ERMP1: variants seen among roughly 807,000 people sequenced by gnomAD.
ERMP1 encodes Felix-ina.
Under a neutral mutation model 92.0 loss-of-function variants are expected in ERMP1, and 86 were observed. That is an observed-to-expected ratio of 0.93 (90% CI 0.79 to 1.12). The LOEUF (loss-of-function observed/expected upper bound fraction) is 1.12, where lower values mean the gene tolerates loss of function less well. Ranked by LOEUF, ERMP1 falls within the 50% of genes most tolerant of loss-of-function variation. The pLI is 0.00. For synonymous variants in ERMP1, 530 were observed against 412.8 expected, an observed-to-expected ratio of 1.28 and a Z score of -3.44; for missense variants, 1,342 against 1,116.3, an observed-to-expected ratio of 1.20 and a Z score of -2.88.
intron 6 of ERMP1, among the ~76,000 whole-genome samples, chr9:5,855,260 A>C (rs1284734448): frequency 1.4e-4 from 22 of 152,230 alleles, no homozygotes. Flanking sequence ...GGATGAAGCA[A>C]AAAAGGAGTG....
intron 8 of ERMP1, 72 bp from the exon 9 acceptor site, chr9:5,805,857 C>T (rs949684264): frequency 1.3e-5 from 15 of 1,121,614 alleles, no homozygotes; most frequent in African/African-American, 4.9e-5. Flanking sequence ...TATAGTAACA[C>T]ACTTTCCATC....
chr9:5,832,860 AC>A lies in ERMP1; in HGVS notation c.167del (p.Gly56ValfsTer26). ...GGRTRKRSPG[G>X]SGGASRGAGT... is the part of the protein sequence containing the mutation. The stretch of plus-strand genomic sequence containing the variant: ...CCGCGCCCCTGCTCGCGCCGCCGCT[AC>A]CCCCGGGGCTCCTCTTCCGCGTCCT... On this transcript the variant is annotated frameshift_variant, in exon 1 of 15. Coordinates refer to ENST00000339450, the MANE Select transcript of ERMP1 (RefSeq NM_024896.3). LOFTEE classifies it high-confidence loss of function. 6.6e-7 allele frequency: 1 copy of A among 1,512,704 alleles called. No homozygotes were observed. The allele number at this position is 1,512,704 out of a possible 1,614,324, so 93.7% of individuals were successfully genotyped here.
chr9:5,817,068 T>C (rs963658207), intron 4 of ERMP1, among the ~76,000 whole-genome samples: 2 of 150,156 alleles, frequency 1.3e-5, no homozygotes, highest in Admixed American at 6.7e-5. Flanking sequence ...CCGGGTAATT[T>C]TTTGTATTTT....
chr9:5,791,350 T>TG, intron 13 of ERMP1: 1 of 455,338 alleles, frequency 2.2e-6, no homozygotes, highest in Non-Finnish European at 4.4e-6. Context: ...TCCCTCTCCT[T>TG]GGGGAAGGTC....
upstream of ERMP1, among the ~76,000 whole-genome samples, chr9:5,836,588 G>A (rs995783870): frequency 6.6e-6 from 1 of 152,204 alleles, no homozygotes; most frequent in Non-Finnish European, 1.5e-5. Context: ...GAGTGAACCA[G>A]CTTTGTTTAA....
chr9:5,832,879 C>A lies in ERMP1; in HGVS notation c.149G>T (p.Arg50Leu), dbSNP rs1294554133. Reference sequence around the variant, plus strand: ...GCCGCTACCCCCGGGGCTCCTCTTCCGCGTCCTCCCGCCGCCGCTGCACCC... The same window carrying A: ...GCCGCTACCCCCGGGGCTCCTCTTCAGCGTCCTCCCGCCGCCGCTGCACCC... The part of the protein sequence containing the change: ...VDGCSGGGRT[R>L]KRSPGGSGGA... The change falls in exon 1 of 15, where the codon CGG becomes CTG. Residue 50 changes from arginine (R) to leucine (L), a missense_variant. By Grantham distance (102) the Arg-to-Leu change is moderately radical. Coordinates refer to ENST00000339450, the MANE Select transcript of ERMP1 (RefSeq NM_024896.3). 5 of 1,532,602 alleles carry A rather than the reference C, an allele frequency of 3.3e-6. No individual in the cohort carries two copies. The South Asian group carries it at 6.0e-5, about 18-fold the overall frequency. 94.9% of individuals were successfully genotyped at this position (1,532,602 alleles called of 1,614,324 possible).
rs1051903232 is a variant in ERMP1 at position 5,804,917 on chromosome 9, T to A, written c.1914+110A>T. 7 of 801,180 alleles carry A rather than the reference T, an allele frequency of 8.7e-6. No individual in the cohort carries two copies. In the African/African-American group the frequency reaches 1.3e-4, roughly 14 times the overall value. 49.6% of individuals were successfully genotyped at this position (801,180 alleles called of 1,614,324 possible). A position where few individuals can be genotyped will look rare whatever the true frequency, so the allele number is the denominator to read the frequency against. ...CCATTCATTCACCATTTCTTCTGCT[T>A]CAGATTTTCTCAATAAAGTACACGT... On this transcript the variant is annotated intron_variant, in intron 10 of 14. Transcript: ENST00000339450.
chr9:5,819,104 A>G (rs1330374409), intron 4 of ERMP1, among the ~76,000 whole-genome samples: 1 of 152,256 alleles, frequency 6.6e-6, no homozygotes, highest in African/African-American at 2.4e-5. Flanking sequence ...CGTTTACACA[A>G]AGACTTACAC....
intron 2 of ERMP1, among the ~76,000 whole-genome samples, chr9:5,827,812 C>A (rs1829781556): frequency 6.8e-6 from 1 of 146,622 alleles, no homozygotes; most frequent in East Asian, 2.0e-4. Flanking sequence ...GAGACTCCGT[C>A]TCAAAAAAAA....
intron 5 of ERMP1, among the ~76,000 whole-genome samples, chr9:5,860,915 C>T (rs1227231213): frequency 6.6e-6 from 1 of 152,106 alleles, no homozygotes; most frequent in Non-Finnish European, 1.5e-5. Flanking sequence ...CACCTCCACC[C>T]TCTCTCACTC....
rs565040435 is a variant in ERMP1 at position 5,829,270 on chromosome 9, G to A, written c.640+1457C>T. The stretch of plus-strand genomic sequence containing the variant: ...ACCACTGGTTACCCCAGCAGCACAC[G>A]AAGGTACTTCTGGCTTATTTAACAA... On this transcript the variant is annotated intron_variant, in intron 2 of 14. Transcript: ENST00000339450. Among the ~76,000 whole-genome samples, 6 of 149,838 alleles carry A rather than the reference G, an allele frequency of 4.0e-5. No homozygotes were observed. In the East Asian group the frequency reaches 9.8e-4, roughly 24 times the overall value.
At chr9:5,804,903 C>A in intron 10 of ERMP1, 124 bp downstream of exon 10, 11 of 714,366 alleles carry the variant, frequency 1.5e-5, no homozygotes, top group Non-Finnish European at 2.3e-6. Context: ...CATTCATTCA[C>A]CATTTCTTCT....
intron 2 of ERMP1, among the ~76,000 whole-genome samples, chr9:5,825,770 T>C (rs1227368107): frequency 6.6e-6 from 1 of 152,150 alleles, no homozygotes; most frequent in East Asian, 1.9e-4. Flanking sequence ...AGATACCTAA[T>C]CTAGTAAGTC....
At chr9:5,814,014 C>G (rs1389877990) in intron 4 of ERMP1, among the ~76,000 whole-genome samples, 2 of 151,948 alleles carry the variant, frequency 1.3e-5, no homozygotes, top group Non-Finnish European at 2.9e-5. Flanking sequence ...TGAGTACATA[C>G]TCTTCTGTAC....
chr9:5,836,437 A>C (rs117641410), upstream of ERMP1, among the ~76,000 whole-genome samples: 105 of 152,332 alleles, frequency 6.9e-4, no homozygotes, highest in Middle Eastern at 3.4e-3. Context: ...TTGCAGAAAA[A>C]AGAAGCAGTT....
intron 2 of ERMP1, among the ~76,000 whole-genome samples, chr9:5,826,474 T>C (rs1035786040): frequency 6.6e-6 from 1 of 152,202 alleles, no homozygotes; most frequent in African/African-American, 2.4e-5. Flanking sequence ...TAGCACCTGG[T>C]AGGTATTCAA....
At chr9:5,811,081 G>A in intron 7 of ERMP1, 30 bp downstream of exon 7, 2 of 1,484,800 alleles carry the variant, frequency 1.3e-6, no homozygotes, top group Non-Finnish European at 1.9e-6. Context: ...AGCAATGCCA[G>A]TATTTGTAGT....
chr9:5,796,912 G>C (rs1249541327), intron 13 of ERMP1, among the ~76,000 whole-genome samples: 2 of 152,120 alleles, frequency 1.3e-5, no homozygotes, highest in African/African-American at 4.8e-5. Context: ...GTTAAAACTG[G>C]TGCATCAGTT....
Position 5,832,944 on chromosome 9 carries a change from C to A in ERMP1, c.84G>T (p.Pro28=). ...ERREGAAAAP[P]PEREARAQEP... ...CCTGCGCTCGGGCCTCCCTCTCCGG[C>A]GGTGGCGCGGCCGCCGCTCCCTCTC... Residue 28 remains proline (P), a synonymous_variant, in exon 1 of 15, where the codon CCG becomes CCT. Transcript: ENST00000339450. 1 of 1,562,062 alleles carries A rather than the reference C, an allele frequency of 6.4e-7. No individual in the cohort carries two copies. The highest frequency in any genetic ancestry group is 1.4e-5 in the African/African-American group (1 of 70,896).
Sources: allele counts gnomAD v4.1 joint callset (sites outside exome capture counted in the v4.1 genomes callset), GRCh38; gene constraint gnomAD v4.1.1; transcripts MANE v1.5; gene names NCBI Gene and HGNC (gene_info 2026-07-23, HGNC 2026-07-21).